The following APOBEC3B variants were observed in gnomAD, a reference collection of about 807,000 sequenced individuals.
The protein encoded by APOBEC3B is DNA dC->dU-editing enzyme APOBEC-3B.
APOBEC3B carries 29 observed loss-of-function variants against 53.4 expected under a neutral mutation model. The observed-to-expected ratio is 0.54, with a 90% CI of 0.40 to 0.74. The LOEUF (loss-of-function observed/expected upper bound fraction) is 0.74, where lower values mean the gene tolerates loss of function less well. APOBEC3B is among the 30% of genes least tolerant of loss of function. The probability of loss-of-function intolerance (pLI) is 0.00; values close to 1 mark genes in which losing one functional copy is unlikely to be tolerated. For missense variants in APOBEC3B, 347 were observed against 496.2 expected, an observed-to-expected ratio of 0.70 and a Z score of 2.86; for synonymous variants, 132 against 184.8, an observed-to-expected ratio of 0.71 and a Z score of 2.32.
chr22:38,992,361 C>A (rs1382884264), intron 7 of APOBEC3B, 70 bp from the exon 8 acceptor site: 1 of 1,565,510 alleles, frequency 6.4e-7, no homozygotes, highest in African/African-American at 1.4e-5. Context: ...TCACTGTCCC[C>A]AGGCCACCTC....
At position 38,983,957 on chromosome 22, in the gene APOBEC3B, G is replaced by A. The variant is rs1923630753; in HGVS notation, c.18-118G>A. On this transcript the variant is annotated intron_variant, in intron 1 of 7. Coordinates refer to ENST00000333467, the MANE Select transcript of APOBEC3B (RefSeq NM_004900.5). ...TGGGAAGGCAGCAGAAATTCTCAGG[G>A]CTGTGGAGGGGTCGGGGAGGCCCAG... The A allele has an allele frequency of 1.2e-5, 14 of 1,216,564 alleles. No homozygotes were observed. The South Asian group carries it at 2.3e-4, about 20-fold the overall frequency. The allele number at this position is 1,216,564 out of a possible 1,614,324, so 75.4% of individuals were successfully genotyped here. A position where few individuals can be genotyped will look rare whatever the true frequency, so the allele number is the denominator to read the frequency against.
At chr22:38,990,157 C>T (rs867483351) in intron 5 of APOBEC3B, among the ~76,000 whole-genome samples, 1 of 147,668 alleles carries the variant, frequency 6.8e-6, no homozygotes, top group Non-Finnish European at 1.5e-5. Context: ...GGACTTTCTT[C>T]CCTGGCCCCT....
chr22:38,991,911 G>A, intron 6 of APOBEC3B, 123 bp from the exon 7 acceptor site: 1 of 1,387,880 alleles, frequency 7.2e-7, no homozygotes, highest in South Asian at 1.6e-5. Context: ...GTCCCTAGGG[G>A]AGGGAGAGGG....
At position 38,982,416 on chromosome 22, in the gene APOBEC3B, A is replaced by C; in HGVS notation, c.-38A>C. 1.3e-6 allele frequency: 2 copies of C among 1,593,350 alleles called. No homozygotes were observed. Among genetic ancestry groups the C allele is most frequent in the East Asian group, 5.0e-5 (2 of 40,282 alleles). ...AGTGAAACCACAGAGCTTCAAAAAAAGAGCGGGACAGGGACAAGCGTATCT... is the reference window on the plus strand; with the variant it reads ...AGTGAAACCACAGAGCTTCAAAAAACGAGCGGGACAGGGACAAGCGTATCT... On this transcript the variant is annotated 5_prime_UTR_variant, in exon 1 of 8. Transcript: ENST00000333467.
rs373889224 is a variant in APOBEC3B, at chr22:38,986,915, C to T, written c.569+503C>T. 3.6e-5 allele frequency among the ~76,000 whole-genome samples: 5 copies of T among 138,072 alleles called. 1 individual carries two copies. The East Asian group carries it at 1.4e-3, about 39-fold the overall frequency. 90.6% of individuals were successfully genotyped at this position (138,072 alleles called of 152,430 possible). A position where few individuals can be genotyped will look rare whatever the true frequency, so the allele number is the denominator to read the frequency against. ...CCTGCCCCTGACTCTCCCTCACTAC[C>T]ACATAGCTGCTGGGTGGCTGGGGAC... On this transcript the variant is annotated intron_variant, in intron 4 of 7. Coordinates refer to ENST00000333467, the MANE Select transcript of APOBEC3B (RefSeq NM_004900.5).
chr22:38,988,681 T>TTCTTTCTCTCTTTC lies in APOBEC3B; in HGVS notation c.570-773_570-772insTTCTCTCTTTCTCT, dbSNP rs1923839471. On this transcript the variant is annotated intron_variant, in intron 4 of 7. Coordinates refer to ENST00000333467, the MANE Select transcript of APOBEC3B (RefSeq NM_004900.5). ...CCTTGCTTCCTCTCTCTTTCTCTCT[T>TTCTTTCTCTCTTTC]TCTCTTTCTTTCTTTCTTTCTTTCT... 3.1e-5 allele frequency among the ~76,000 whole-genome samples: 2 copies of TTCTTTCTCTCTTTC among 63,602 alleles called. 1 individual carries two copies. The highest frequency in any genetic ancestry group is 1.3e-4 in the African/African-American group (2 of 15,714). The allele number at this position is 63,602 out of a possible 152,430, so 41.7% of individuals were successfully genotyped here.
Position 38,984,823 on chromosome 22 carries a change from CAAT to C in APOBEC3B, c.174+595_174+597del, listed in dbSNP as rs949231555. 1.2e-4 allele frequency among the ~76,000 whole-genome samples: 17 copies of C among 145,668 alleles called. 2 individuals carry two copies. The highest frequency in any genetic ancestry group is 2.3e-4 in the Non-Finnish European group (15 of 66,650). On this transcript the variant is annotated intron_variant, in intron 2 of 7. Transcript: ENST00000333467. ...GCAGCTGGAAATGCAGAAAACACAA[CAAT>C]AAGTAAAATGCCCAGCACTGGGCTC...
rs1176736159 is a variant in APOBEC3B, at chr22:38,984,079, C to A, written c.22C>A (p.Pro8Thr). ...GTTTCTCTCTTGTGCCTTCAGAAAT[C>A]CGATGGAGCGGATGTATCGAGACAC... MNPQIRN[P>T]MERMYRDTFY... Residue 8 changes from proline to threonine, a missense_variant, in exon 2 of 8, where the codon CCG (proline) becomes ACG (threonine). Pro to Thr is a conservative substitution (Grantham distance 38). Coordinates refer to ENST00000333467, the MANE Select transcript of APOBEC3B (RefSeq NM_004900.5). The A allele has an allele frequency of 1.9e-6, 3 of 1,575,670 alleles. No homozygotes were observed.
chr22:38,992,703 A>C lies in APOBEC3B; in HGVS notation c.*258A>C. On this transcript the variant is annotated 3_prime_UTR_variant, in exon 8 of 8. Transcript: ENST00000333467. Reference sequence around the variant, plus strand: ...TTCCCAGAATAGTTTTCAATGTATTAATGAAGTGATTAATTGGCTCCATAT... The same window carrying C: ...TTCCCAGAATAGTTTTCAATGTATTCATGAAGTGATTAATTGGCTCCATAT... The C allele has an allele frequency of 3.9e-6, 4 of 1,022,796 alleles. No individual in the cohort carries two copies. Among genetic ancestry groups the C allele is most frequent in the Non-Finnish European group, 5.6e-6 (4 of 714,754 alleles). 63.4% of individuals were successfully genotyped at this position (1,022,796 alleles called of 1,614,324 possible).
intron 4 of APOBEC3B, 36 bp from the exon 5 acceptor site, chr22:38,989,421 C>G: frequency 6.5e-7 from 1 of 1,535,252 alleles, no homozygotes; most frequent in Non-Finnish European, 8.8e-7. Context: ...CAGGAGGAGT[C>G]TTAGGGCTTT....
rs779091496 is a variant in APOBEC3B, at chr22:38,989,739, T to A, written c.723+129T>A. 246 of 1,005,480 alleles carry A rather than the reference T, an allele frequency of 2.4e-4. 11 individuals are homozygous for A. The highest frequency in any genetic ancestry group is 1.4e-3 in the Middle Eastern group (4 of 2,812). 62.3% of individuals were successfully genotyped at this position (1,005,480 alleles called of 1,614,324 possible). On this transcript the variant is annotated intron_variant, in intron 5 of 7. Coordinates refer to ENST00000333467, the MANE Select transcript of APOBEC3B (RefSeq NM_004900.5). ...CACTTGTGCTTCCTGCAGCTGCTGC[T>A]GCTTGGCCCTGGAGTTGGGGGGAGA...
chr22:38,989,571 G>A lies in APOBEC3B; in HGVS notation c.684G>A (p.Trp228Ter), dbSNP rs142896028. 1.3e-6 allele frequency: 2 copies of A among 1,587,232 alleles called. No individual in the cohort carries two copies. The highest frequency in any genetic ancestry group is 1.1e-5 in the South Asian group (1 of 88,334). Reference sequence around the variant, plus strand: ...TGGAGCGCCTGGACAATGGCACCTGGGTCCTGATGGACCAGCACATGGGCT... The same window carrying A: ...TGGAGCGCCTGGACAATGGCACCTGAGTCCTGATGGACCAGCACATGGGCT... Reference protein sequence around the residue: ...YEVERLDNGTWVLMDQHMGFL... With the variant: ...YEVERLDNGT The change falls in exon 5 of 8, where the codon TGG becomes TGA. Residue 228 changes from tryptophan (W) to a stop codon, truncating the protein, a stop_gained. Coordinates refer to ENST00000333467, the MANE Select transcript of APOBEC3B (RefSeq NM_004900.5). LOFTEE classifies it high-confidence loss of function.
chr22:38,988,685 CTTTCTTTCTTTCTTTCTTTCTTTCTT>C (rs1244974809), intron 4 of APOBEC3B, among the ~76,000 whole-genome samples: 2 of 45,506 alleles, frequency 4.4e-5, no homozygotes, highest in African/African-American at 7.3e-5. Flanking sequence ...CTCTCTTTCT[CTTTCTTTCTTTCTTTCTTTCTTTCTT>C]TCTTTCTTTC....
At chr22:38,982,509 C>T (rs748601228) in intron 1 of APOBEC3B, 39 bp downstream of exon 1, 2 of 1,591,356 alleles carry the variant, frequency 1.3e-6, no homozygotes, top group African/African-American at 1.3e-5. Flanking sequence ...CCCTCCTGCC[C>T]CTTCCTGCCT....
At chr22:38,988,687 T>TTTC (rs1491021212) in intron 4 of APOBEC3B, among the ~76,000 whole-genome samples, 5 of 45,210 alleles carry the variant, frequency 1.1e-4, no homozygotes, top group Non-Finnish European at 2.2e-4. Flanking sequence ...CTCTTTCTCT[T>TTTC]TCTTTCTTTC....
At chr22:38,984,033 G>A in intron 1 of APOBEC3B, 42 bp from the exon 2 acceptor site, 3 of 1,566,648 alleles carry the variant, frequency 1.9e-6, no homozygotes, top group Non-Finnish European at 2.6e-6. Flanking sequence ...GGACTCCCGG[G>A]AGGGCTCCCT....
chr22:38,989,418 A>C lies in APOBEC3B; in HGVS notation c.570-39A>C, dbSNP rs143147419. 549 of 1,515,200 alleles carry C rather than the reference A, an allele frequency of 3.6e-4. 28 individuals are homozygous for C. In the African/African-American group the frequency reaches 6.5e-3, roughly 18 times the overall value. 93.9% of individuals were successfully genotyped at this position (1,515,200 alleles called of 1,614,324 possible). A position where few individuals can be genotyped will look rare whatever the true frequency, so the allele number is the denominator to read the frequency against. Reference sequence around the variant, plus strand: ...AGGAGCGAGAGGTAGTCCCAGGAGGAGTCTTAGGGCTTTTGGTTTCCCCTG... The same window carrying C: ...AGGAGCGAGAGGTAGTCCCAGGAGGCGTCTTAGGGCTTTTGGTTTCCCCTG... On this transcript the variant is annotated intron_variant, in intron 4 of 7. Transcript: ENST00000333467.
Position 38,992,754 on chromosome 22 carries a change from T to A in APOBEC3B, c.*309T>A, listed in dbSNP as rs1603269479. 2 of 708,566 alleles carry A rather than the reference T, an allele frequency of 2.8e-6. No homozygotes were observed. Among genetic ancestry groups the A allele is most frequent in the Non-Finnish European group, 4.5e-6 (2 of 446,760 alleles). 43.9% of individuals were successfully genotyped at this position (708,566 alleles called of 1,614,324 possible). A position where few individuals can be genotyped will look rare whatever the true frequency, so the allele number is the denominator to read the frequency against. ...TTAGACTAATAAAACATTAAGAATC[T>A]TCCATAATTGTTTCCACAAACACTA... On this transcript the variant is annotated 3_prime_UTR_variant, in exon 8 of 8. Coordinates refer to ENST00000333467, the MANE Select transcript of APOBEC3B (RefSeq NM_004900.5).
chr22:38,983,725 C>G (rs1188113297), intron 1 of APOBEC3B, among the ~76,000 whole-genome samples: 1 of 149,194 alleles, frequency 6.7e-6, no homozygotes, highest in Non-Finnish European at 1.5e-5. Context: ...AGGAATTGAG[C>G]TGAAAGGTTA....
Sources: gnomAD v4.1 joint callset for allele counts (sites outside exome capture counted in the v4.1 genomes callset) on GRCh38, gnomAD v4.1.1 for gene constraint, MANE v1.5 for transcripts, NCBI Gene and HGNC (gene_info 2026-07-23, HGNC 2026-07-21) for gene names.